The following ZNF487 variants were observed in gnomAD, a reference collection of about 807,000 sequenced individuals.
The protein encoded by ZNF487 is KRAB domain only 1.
Under a neutral mutation model 3.0 loss-of-function variants are expected in ZNF487, and 4 were observed. The observed-to-expected ratio is 1.35, with a 90% CI of 0.66 to 3.08. ZNF487 has a LOEUF of 3.08. Among genes scored for constraint, ZNF487 ranks in the 30% most tolerant of loss-of-function variants. The pLI, the probability that ZNF487 is intolerant of heterozygous loss-of-function variation, is 0.01. For synonymous variants in ZNF487, 55 were observed against 34.6 expected (o/e 1.59, Z -2.06); for missense variants, 146 against 98.7 (o/e 1.48, Z -2.03).
At chr10:43,464,396 A>G (rs1304349535) in intron 1 of ZNF487, among the ~76,000 whole-genome samples, 1 of 150,588 alleles carries the variant, frequency 6.6e-6, no homozygotes, top group African/African-American at 2.4e-5. Context: ...TTTTTTATTG[A>G]TCATTCTTGG....
chr10:43,518,448 G>A, the ZNF487 span, among the ~76,000 whole-genome samples: 1 of 152,106 alleles, frequency 6.6e-6, no homozygotes, highest in African/African-American at 2.4e-5. Flanking sequence ...TTCCCAGACT[G>A]TCTTCATTGG....
At chr10:43,519,881 C>G in the ZNF487 span, among the ~76,000 whole-genome samples, 2 of 152,322 alleles carry the variant, frequency 1.3e-5, no homozygotes, top group East Asian at 1.9e-4. Flanking sequence ...ACCTAGATGT[C>G]TTTCAAACAT....
At chr10:43,485,790 A>G (rs1841465576), downstream of ZNF487, among the ~76,000 whole-genome samples, 2 of 152,224 alleles carry the variant, frequency 1.3e-5, no homozygotes, top group Non-Finnish European at 2.9e-5. Flanking sequence ...GCACTGCTCT[A>G]GGCCATTTTC....
the ZNF487 span, among the ~76,000 whole-genome samples, chr10:43,490,078 G>A: frequency 6.6e-6 from 1 of 152,216 alleles, no homozygotes; most frequent in Non-Finnish European, 1.5e-5. Context: ...GGCCGGCGTG[G>A]TGGCTCATGC....
chr10:43,498,571 C>T, the ZNF487 span, among the ~76,000 whole-genome samples: 1 of 151,434 alleles, frequency 6.6e-6, no homozygotes, highest in Non-Finnish European at 1.5e-5. Flanking sequence ...AGCCACCGTG[C>T]CCAGTCCATA....
At chr10:43,508,354 C>T in the ZNF487 span, among the ~76,000 whole-genome samples, 1 of 152,212 alleles carries the variant, frequency 6.6e-6, no homozygotes, top group East Asian at 1.9e-4. Context: ...AAGTATGCCT[C>T]ACCTTAACTG....
chr10:43,513,960 G>A, the ZNF487 span, among the ~76,000 whole-genome samples: 1 of 152,128 alleles, frequency 6.6e-6, no homozygotes, highest in South Asian at 2.1e-4. Context: ...GTAAAAGGTT[G>A]GAGGTCTCCT....
At position 43,475,790 on chromosome 10, in the gene ZNF487, C is replaced by T. The variant is rs776374648; in HGVS notation, c.-24C>T. The T allele has an allele frequency of 2.6e-6, 2 of 780,874 alleles. No individual in the cohort carries two copies. The highest frequency in any genetic ancestry group is 1.3e-5 in the South Asian group (1 of 74,612). 48.4% of individuals were successfully genotyped at this position (780,874 alleles called of 1,614,324 possible). A position where few individuals can be genotyped will look rare whatever the true frequency, so the allele number is the denominator to read the frequency against. Reference sequence around the variant, plus strand: ...GGAGTGGCAGCATCTGGACTCTGCTCAGAGGACCCCGTACAGAGACATGAT... The same window carrying T: ...GGAGTGGCAGCATCTGGACTCTGCTTAGAGGACCCCGTACAGAGACATGAT... On this transcript the variant is annotated 5_prime_UTR_variant, in exon 2 of 4. Transcript: ENST00000437590.
At chr10:43,512,191 C>CTA in the ZNF487 span, among the ~76,000 whole-genome samples, 1 of 152,182 alleles carries the variant, frequency 6.6e-6, no homozygotes, top group Non-Finnish European at 1.5e-5. Context: ...GAACCAGGCC[C>CTA]TAGTCCTCTT....
chr10:43,511,003 C>G, the ZNF487 span, among the ~76,000 whole-genome samples: 1 of 152,068 alleles, frequency 6.6e-6, no homozygotes, highest in Non-Finnish European at 1.5e-5. Flanking sequence ...CGTAATTTTG[C>G]GGGAACAGGA....
At chr10:43,516,049 G>A in the ZNF487 span, among the ~76,000 whole-genome samples, 1 of 152,030 alleles carries the variant, frequency 6.6e-6, no homozygotes, top group Admixed American at 6.6e-5. Flanking sequence ...CAAAGTGCTG[G>A]GATTATAGGC....
chr10:43,492,085 C>A, the ZNF487 span, among the ~76,000 whole-genome samples: 1 of 151,730 alleles, frequency 6.6e-6, no homozygotes, highest in Admixed American at 6.6e-5. Context: ...ACAGCCACCA[C>A]GCTGCCACAT....
intron 1 of ZNF487, among the ~76,000 whole-genome samples, chr10:43,441,034 ATTTTTTTTTTTTTTTTTTTTT>A (rs763451709): frequency 4.5e-5 from 2 of 44,550 alleles, no homozygotes; most frequent in South Asian, 2.7e-3. Context: ...ACCTGGTTAA[ATTTTTTTTTTTTTTTTTTTTT>A]TTTTTTTTTT....
chr10:43,443,955 C>A (rs989053515), intron 1 of ZNF487, among the ~76,000 whole-genome samples: 1 of 151,020 alleles, frequency 6.6e-6, no homozygotes, highest in Non-Finnish European at 1.5e-5. Flanking sequence ...CGGGTTCAAG[C>A]GATTCCTCTG....
chr10:43,504,638 T>G, the ZNF487 span, among the ~76,000 whole-genome samples: 2 of 151,964 alleles, frequency 1.3e-5, no homozygotes, highest in Non-Finnish European at 2.9e-5. Context: ...ATTTCTTTTA[T>G]GAAATAACTT....
chr10:43,442,778 G>C (rs1839664291), intron 1 of ZNF487, among the ~76,000 whole-genome samples: 1 of 152,058 alleles, frequency 6.6e-6, no homozygotes, highest in African/African-American at 2.4e-5. Context: ...TAGTATTCAG[G>C]GTACAAGTTG....
At chr10:43,460,027 C>A (rs1164879696) in intron 1 of ZNF487, among the ~76,000 whole-genome samples, 2 of 151,880 alleles carry the variant, frequency 1.3e-5, no homozygotes, top group Non-Finnish European at 2.9e-5. Flanking sequence ...TGGTCTCGAT[C>A]TCCTGACCTC....
At chr10:43,479,956 CTCTTTCTT>C (rs1165448381) in intron 3 of ZNF487, among the ~76,000 whole-genome samples, 2 of 55,998 alleles carry the variant, frequency 3.6e-5, no homozygotes, top group South Asian at 5.9e-4. Flanking sequence ...GCACCTGACT[CTCTTTCTT>C]TCTTTCTTTT....
chr10:43,521,064 G>A, the ZNF487 span, among the ~76,000 whole-genome samples: 1 of 152,044 alleles, frequency 6.6e-6, no homozygotes, highest in Non-Finnish European at 1.5e-5. Flanking sequence ...GTTGTCAGAG[G>A]AAGCTTCATA....
Sources: gnomAD v4.1 joint callset for allele counts (sites outside exome capture counted in the v4.1 genomes callset) on GRCh38, gnomAD v4.1.1 for gene constraint, MANE v1.5 for transcripts, NCBI Gene and HGNC (gene_info 2026-07-23, HGNC 2026-07-21) for gene names.